The following TRAPPC9 variants were observed in gnomAD, a reference collection of about 807,000 sequenced individuals.
TRAPPC9 encodes the protein trafficking protein particle complex subunit 9, also known as IKK2 binding protein.
A neutral mutation model predicts 124.0 loss-of-function variants in TRAPPC9; 83 were observed. The observed-to-expected ratio is 0.67, with a 90% CI of 0.56 to 0.80. The LOEUF (loss-of-function observed/expected upper bound fraction) is 0.80. TRAPPC9 is among the 30% of genes least tolerant of loss of function. The probability of loss-of-function intolerance (pLI) is 0.00; values close to 1 mark genes in which losing one functional copy is unlikely to be tolerated. For synonymous variants in TRAPPC9, 638 were observed against 617.5 expected, an observed-to-expected ratio of 1.03 and a Z score of -0.49; for missense variants, 1,302 against 1,508.3, an observed-to-expected ratio of 0.86 and a Z score of 2.27.
intron 7 of TRAPPC9, among the ~76,000 whole-genome samples, chr8:140,377,410 C>T (rs1214401633): frequency 1.3e-5 from 2 of 152,088 alleles, no homozygotes; most frequent in East Asian, 1.9e-4. Context: ...ACAATTCTCC[C>T]GCCTCAGCCT....
At chr8:140,122,942 A>G (rs1353559816) in intron 17 of TRAPPC9, among the ~76,000 whole-genome samples, 1 of 152,178 alleles carries the variant, frequency 6.6e-6, no homozygotes, top group African/African-American at 2.4e-5. Flanking sequence ...CATAGACTTA[A>G]TGTTTGCTGG....
chr8:139,757,503 A>G (rs113556247), intron 21 of TRAPPC9, among the ~76,000 whole-genome samples: 50 of 93,706 alleles, frequency 5.3e-4, no homozygotes, highest in Middle Eastern at 7.8e-3. Flanking sequence ...AGGACAGCAG[A>G]TCACAGGAGG....
chr8:140,123,333 T>C (rs749676322), intron 17 of TRAPPC9, among the ~76,000 whole-genome samples: 2 of 152,216 alleles, frequency 1.3e-5, no homozygotes, highest in Non-Finnish European at 2.9e-5. Flanking sequence ...TGTTTTTAAG[T>C]GAAATTGCAC....
Position 140,086,360 on chromosome 8 carries a change from G to A in TRAPPC9, c.2557-62281C>T, listed in dbSNP as rs144530177. Among the ~76,000 whole-genome samples the A allele has an allele frequency of 3.6e-3, 549 of 152,286 alleles. 4 individuals are homozygous for A. Among genetic ancestry groups the A allele is most frequent in the Admixed American group, 4.9e-3 (75 of 15,294 alleles). Reference sequence around the variant, plus strand: ...GAAGCGGGGTAGAAATGGAAGGGGAGCAGGTGAGGCAGTCGGTTGAAATGA... The same window carrying A: ...GAAGCGGGGTAGAAATGGAAGGGGAACAGGTGAGGCAGTCGGTTGAAATGA... On this transcript the variant is annotated intron_variant, in intron 17 of 22. Transcript: ENST00000438773.
At chr8:139,769,992 G>A (rs1820847714) in intron 21 of TRAPPC9, among the ~76,000 whole-genome samples, 1 of 152,244 alleles carries the variant, frequency 6.6e-6, no homozygotes, top group African/African-American at 2.4e-5. Context: ...GGGGGCACGG[G>A]GCAGGCAGGT....
intron 21 of TRAPPC9, among the ~76,000 whole-genome samples, chr8:139,743,241 C>T (rs1424662164): frequency 6.6e-6 from 1 of 152,178 alleles, no homozygotes; most frequent in African/African-American, 2.4e-5. Flanking sequence ...TCAAGGCTGG[C>T]TGCTGAAGGT....
intron 18 of TRAPPC9, among the ~76,000 whole-genome samples, chr8:139,995,491 G>A (rs1229789624): frequency 1.3e-5 from 2 of 152,100 alleles, no homozygotes; most frequent in African/African-American, 2.4e-5. Flanking sequence ...CCCAAAACCA[G>A]GGGGCCAGTT....
At chr8:140,427,421 A>T (rs1353424812) in intron 4 of TRAPPC9, among the ~76,000 whole-genome samples, 2 of 151,850 alleles carry the variant, frequency 1.3e-5, no homozygotes, top group Non-Finnish European at 2.9e-5. Flanking sequence ...ACACAGAATA[A>T]TTGGACACTT....
At chr8:139,851,154 A>G (rs547471578) in intron 21 of TRAPPC9, among the ~76,000 whole-genome samples, 35 of 152,328 alleles carry the variant, frequency 2.3e-4, no homozygotes, top group Non-Finnish European at 4.0e-4. Context: ...CTGTATAACA[A>G]TGTGATCAGA....
intron 17 of TRAPPC9, among the ~76,000 whole-genome samples, chr8:140,122,150 G>T (rs1191121598): frequency 4.6e-5 from 7 of 151,842 alleles, no homozygotes; most frequent in Admixed American, 4.6e-4. Context: ...GTGGCCTCTA[G>T]ATGCTGAGGT....
chr8:140,395,456 C>T (rs1388926028), intron 7 of TRAPPC9, among the ~76,000 whole-genome samples: 1 of 152,192 alleles, frequency 6.6e-6, no homozygotes, highest in Non-Finnish European at 1.5e-5. Flanking sequence ...GGAATGCCAA[C>T]CCGAGCAGTC....
intron 21 of TRAPPC9, among the ~76,000 whole-genome samples, chr8:139,873,727 G>A (rs991216977): frequency 6.6e-6 from 1 of 152,220 alleles, no homozygotes; most frequent in African/African-American, 2.4e-5. Context: ...GGGCTGGGAG[G>A]ACAATTCGTT....
chr8:140,235,186 C>T (rs530327020), intron 16 of TRAPPC9, among the ~76,000 whole-genome samples: 5 of 152,180 alleles, frequency 3.3e-5, no homozygotes, highest in South Asian at 2.1e-4. Context: ...TTGGTCAGGC[C>T]GGTCTCTAAC....
intron 17 of TRAPPC9, among the ~76,000 whole-genome samples, chr8:140,090,004 C>T (rs1403317964): frequency 1.3e-5 from 2 of 152,064 alleles, no homozygotes; most frequent in Admixed American, 6.6e-5. Context: ...CACTTGAACA[C>T]GGGAGGTGGA....
intron 17 of TRAPPC9, among the ~76,000 whole-genome samples, chr8:140,138,293 C>G (rs1206520285): frequency 6.6e-6 from 1 of 150,870 alleles, no homozygotes; most frequent in African/African-American, 2.4e-5. Context: ...CAGAGTGAGA[C>G]CCCAATCTCA....
Position 140,300,524 on chromosome 8 carries a change from G to T in TRAPPC9, c.1713C>A (p.Phe571Leu). Residue 571 changes from phenylalanine to leucine, a missense_variant, in exon 11 of 23, where the codon TTC (phenylalanine) becomes TTA (leucine). Around this residue, in one of 3 missense-constraint regions of TRAPPC9, gnomAD observed 657 missense variants for 811.2 expected, o/e 0.81. Coordinates refer to ENST00000438773, the MANE Select transcript of TRAPPC9 (RefSeq NM_001160372.4). ...TGTGTGCGATAATTGGTGAATAGAT[G>T]AAAGGACTTTTGGTTGACACGTTCT... ...LGQNVSTKSP[F>L]IYSPIIAHNR... is the part of the protein sequence containing the mutation. The T allele has an allele frequency of 6.2e-7, 1 of 1,614,252 alleles. No individual in the cohort carries two copies. Among genetic ancestry groups the T allele is most frequent in the Non-Finnish European group, 8.5e-7 (1 of 1,180,048 alleles).
intron 21 of TRAPPC9, among the ~76,000 whole-genome samples, chr8:139,868,312 C>T (rs757580579): frequency 2.2e-4 from 33 of 152,086 alleles, no homozygotes; most frequent in African/African-American, 3.1e-4. Context: ...GCCAAGATTG[C>T]GCCACTGCAC....
intron 5 of TRAPPC9, among the ~76,000 whole-genome samples, chr8:140,406,910 T>C (rs2069513287): frequency 6.6e-6 from 1 of 152,130 alleles, no homozygotes; most frequent in South Asian, 2.1e-4. Context: ...TTTTAAAGAA[T>C]AGATCCAAAT....
chr8:140,263,545 A>C (rs929633402), intron 15 of TRAPPC9, among the ~76,000 whole-genome samples: 1 of 152,252 alleles, frequency 6.6e-6, no homozygotes, highest in Non-Finnish European at 1.5e-5. Context: ...CAATGGCAGC[A>C]GCATCAAAGA....
Sources: gnomAD v4.1 joint callset for allele counts (sites outside exome capture counted in the v4.1 genomes callset) on GRCh38, gnomAD v4.1.1 for gene constraint, gnomAD v4.1.1 regional missense constraint, MANE v1.5 for transcripts, NCBI Gene and HGNC (gene_info 2026-07-23, HGNC 2026-07-21) for gene names.